RPL23A: variants seen among roughly 807,000 people sequenced by gnomAD.
The protein encoded by RPL23A is ribosomal protein L23a.
In RPL23A, 2 loss-of-function variants were observed where a neutral mutation model predicts 17.6. The observed-to-expected ratio is 0.11, with a 90% CI of 0.05 to 0.36. RPL23A has a LOEUF of 0.36. RPL23A is among the 10% of genes least tolerant of loss of function. RPL23A has a pLI of 1.00. For missense variants in RPL23A, 132 were observed against 194.4 expected (o/e 0.68, Z 1.91); for synonymous variants, 65 against 74.3 (o/e 0.87, Z 0.65).
Position 28,724,292 on chromosome 17 carries a change from T to G in RPL23A, c.*411T>G. The G allele has an allele frequency of 4.6e-6, 3 of 655,350 alleles. No homozygotes were observed. The highest frequency in any genetic ancestry group is 7.9e-6 in the Non-Finnish European group (3 of 379,092). 40.6% of individuals were successfully genotyped at this position (655,350 alleles called of 1,614,324 possible). Reference sequence around the variant, plus strand: ...ATTTTGTCCTCACACACCCATCTACTATGTCCAACCGGTCTGTCTGCTTCC... The same window carrying G: ...ATTTTGTCCTCACACACCCATCTACGATGTCCAACCGGTCTGTCTGCTTCC... On this transcript the variant is annotated 3_prime_UTR_variant, in exon 5 of 5. Coordinates refer to ENST00000422514, the MANE Select transcript of RPL23A (RefSeq NM_000984.6).
In RPL23A at chr17:28,724,019, T is replaced by C. The variant is rs1432713784; in HGVS notation, c.*138T>C. Reference sequence around the variant, plus strand: ...TGACAGGGCTTGGGCAAGACTCCTGTTCTACTTATCCTTTTGAAATACCTC... The same window carrying C: ...TGACAGGGCTTGGGCAAGACTCCTGCTCTACTTATCCTTTTGAAATACCTC... On this transcript the variant is annotated 3_prime_UTR_variant, in exon 5 of 5. Coordinates refer to ENST00000422514, the MANE Select transcript of RPL23A (RefSeq NM_000984.6). The C allele has an allele frequency of 3.3e-6, 2 of 604,316 alleles. No individual in the cohort carries two copies. The highest frequency in any genetic ancestry group is 5.7e-6 in the Non-Finnish European group (2 of 352,804). The allele number at this position is 604,316 out of a possible 1,614,324, so 37.4% of individuals were successfully genotyped here. A position where few individuals can be genotyped will look rare whatever the true frequency, so the allele number is the denominator to read the frequency against.
At chr17:28,722,663 C>G in intron 2 of RPL23A, 60 bp from the exon 3 acceptor site, 1 of 1,434,526 alleles carries the variant, frequency 7.0e-7, no homozygotes, top group Non-Finnish European at 9.8e-7. Context: ...CTAGGCTCTC[C>G]TGGCTCTGGG....
At chr17:28,722,629 T>C (rs963116774) in intron 2 of RPL23A, 94 bp from the exon 3 acceptor site, 3 of 1,021,104 alleles carry the variant, frequency 2.9e-6, no homozygotes, top group Non-Finnish European at 4.7e-6. Context: ...AACAAAGTGA[T>C]TGGTACCTCG....
chr17:28,722,206 G>A (rs1429962531), intron 2 of RPL23A, among the ~76,000 whole-genome samples: 1 of 148,702 alleles, frequency 6.7e-6, no homozygotes, highest in African/African-American at 2.5e-5. Context: ...CCGAGATCCT[G>A]TCACTGCACT....
intron 3 of RPL23A, among the ~76,000 whole-genome samples, chr17:28,723,133 A>G (rs1181784793): frequency 1.3e-5 from 2 of 150,904 alleles, no homozygotes; most frequent in Admixed American, 6.6e-5. Context: ...AAAAAAAAAA[A>G]TCCCCTGGAC....
intron 2 of RPL23A, chr17:28,722,455 C>A: frequency 1.8e-6 from 1 of 565,472 alleles, no homozygotes. Context: ...GGGAATACAG[C>A]CATGAGCCAG....
At position 28,720,677 on chromosome 17, in the gene RPL23A, G is replaced by A. The variant is rs1465672400; in HGVS notation, c.26-30G>A. 1.9e-6 allele frequency: 3 copies of A among 1,612,398 alleles called. No homozygotes were observed. The African/African-American group carries it at 4.0e-5, about 22-fold the overall frequency. Reference sequence around the variant, plus strand: ...CGGAAGTGACCGATTTCTAAATCCCGCACCCACGTTTTCTTTCCTTTTCTC... The same window carrying A: ...CGGAAGTGACCGATTTCTAAATCCCACACCCACGTTTTCTTTCCTTTTCTC... On this transcript the variant is annotated intron_variant, in intron 1 of 4. Transcript: ENST00000422514.
At chr17:28,720,623 C>T in intron 1 of RPL23A, 84 bp from the exon 2 acceptor site, 1 of 1,456,374 alleles carries the variant, frequency 6.9e-7, no homozygotes, top group African/African-American at 1.4e-5. Flanking sequence ...GCACCTGTGG[C>T]CAGGGTGGCC....
intron 4 of RPL23A, 103 bp downstream of exon 4, chr17:28,723,743 C>A (rs371791403): frequency 6.8e-5 from 91 of 1,346,664 alleles, no homozygotes; most frequent in Non-Finnish European, 9.1e-5. Flanking sequence ...TCATAATTAA[C>A]TGACTGCACC....
intron 3 of RPL23A, 27 bp from the exon 4 acceptor site, chr17:28,723,544 G>A (rs1159286691): frequency 7.6e-6 from 12 of 1,584,492 alleles, no homozygotes; most frequent in African/African-American, 5.4e-5. Context: ...AGGGTGGCAG[G>A]GACTAAGGCT....
intron 1 of RPL23A, chr17:28,720,287 G>A: frequency 6.5e-7 from 1 of 1,548,886 alleles, no homozygotes; most frequent in Non-Finnish European, 8.7e-7. Flanking sequence ...GTTCTGGGAA[G>A]CTACATGCAT....
At position 28,722,703 on chromosome 17, in the gene RPL23A, C is replaced by T. The variant is rs755768697; in HGVS notation, c.210-20C>T. 14 of 1,612,250 alleles carry T rather than the reference C, an allele frequency of 8.7e-6. No homozygotes were observed. The South Asian group carries it at 8.8e-5, about 10-fold the overall frequency. ...AAAAGAATGGGCCCAGGCCAGGTGACCCCATTTTGCCTCTCCCAGGCTTGA... is the reference window on the plus strand; with the variant it reads ...AAAAGAATGGGCCCAGGCCAGGTGATCCCATTTTGCCTCTCCCAGGCTTGA... On this transcript the variant is annotated intron_variant, in intron 2 of 4. Transcript: ENST00000422514.
chr17:28,720,634 C>T (rs1257590691), intron 1 of RPL23A, 73 bp from the exon 2 acceptor site: 22 of 1,515,250 alleles, frequency 1.5e-5, no homozygotes, highest in Non-Finnish European at 2.0e-5. Context: ...CAGGGTGGCC[C>T]ACTGCAGTTC....
chr17:28,723,197 T>C, intron 3 of RPL23A: 1 of 520,292 alleles, frequency 1.9e-6, no homozygotes. Flanking sequence ...GGTTTAGCAG[T>C]GTGTGTGAGC....
At position 28,724,280 on chromosome 17, in the gene RPL23A, A is replaced by G. The variant is rs538484132; in HGVS notation, c.*399A>G. 8.2e-6 allele frequency: 5 copies of G among 606,440 alleles called. No homozygotes were observed. In the Admixed American group the frequency reaches 1.5e-4, roughly 18 times the overall value. 37.6% of individuals were successfully genotyped at this position (606,440 alleles called of 1,614,324 possible). On this transcript the variant is annotated 3_prime_UTR_variant, in exon 5 of 5. Transcript: ENST00000422514. The stretch of plus-strand genomic sequence containing the variant: ...CTCTCTGGTAGCATTTTGTCCTCAC[A>G]CACCCATCTACTATGTCCAACCGGT...
chr17:28,723,194 C>G (rs989371088), intron 3 of RPL23A: 18 of 529,388 alleles, frequency 3.4e-5, no homozygotes, highest in Non-Finnish European at 5.4e-5. Context: ...GTAGGTTTAG[C>G]AGTGTGTGTG....
In RPL23A at chr17:28,720,710, C is replaced by T. The variant is rs761448122; in HGVS notation, c.29C>T (p.Pro10Leu). MAPKAKKEAPAPPKAEAKAK... is the reference protein window; with the variant it reads MAPKAKKEALAPPKAEAKAK... ...GTTTTCTTTCCTTTTCTCCCAGCTC[C>T]TGCCCCTCCTAAAGCTGAAGCCAAA... The change falls in exon 2 of 5, where the codon CCT (proline) becomes CTT (leucine). Residue 10 changes from proline (P) to leucine (L), a missense_variant. Transcript: ENST00000422514. 7 of 1,614,148 alleles carry T rather than the reference C, an allele frequency of 4.3e-6. No individual in the cohort carries two copies. Among genetic ancestry groups the T allele is most frequent in the Admixed American group, 1.7e-5 (1 of 60,022 alleles).
In RPL23A at chr17:28,720,471, A is replaced by C. The variant is rs8068628; in HGVS notation, c.26-236A>C. On this transcript the variant is annotated intron_variant, in intron 1 of 4. Transcript: ENST00000422514. ...GTAGGACATTTTCTGGAAAGTATCA[A>C]GCGTTCATTCAGTGCTACTTTGTTT... 8.8e-3 allele frequency: 14,081 copies of C among 1,605,474 alleles called. 462 individuals carry two copies. The highest frequency in any genetic ancestry group is 0.08 in the African/African-American group (6,011 of 74,856).
At chr17:28,722,232 C>T (rs1018874596) in intron 2 of RPL23A, among the ~76,000 whole-genome samples, 28 of 132,614 alleles carry the variant, frequency 2.1e-4, no homozygotes, top group Admixed American at 1.6e-3. Flanking sequence ...CTGGGCGAAG[C>T]GAGACTCTGT....
Sources: gnomAD v4.1 joint callset for allele counts (sites outside exome capture counted in the v4.1 genomes callset) on GRCh38, gnomAD v4.1.1 for gene constraint, MANE v1.5 for transcripts, NCBI Gene and HGNC (gene_info 2026-07-23, HGNC 2026-07-21) for gene names.